Variants in SLCO3A1 observed in about 807,000 individuals in gnomAD.
SLCO3A1 encodes solute carrier organic anion transporter family member 3A1, also known as PGE1 transporter.
Under a neutral mutation model 63.1 loss-of-function variants are expected in SLCO3A1, and 27 were observed. That is an observed-to-expected ratio of 0.43 (90% CI 0.32 to 0.59). The LOEUF (loss-of-function observed/expected upper bound fraction) is 0.59, where lower values mean the gene tolerates loss of function less well. SLCO3A1 is among the 20% of genes least tolerant of loss of function. The pLI is 0.09. For synonymous variants in SLCO3A1, 473 were observed against 409.9 expected (o/e 1.15, Z -1.86); for missense variants, 773 against 945.8 (o/e 0.82, Z 2.40).
intron 2 of SLCO3A1, among the ~76,000 whole-genome samples, chr15:92,066,726 C>T (rs1003266033): frequency 1.1e-4 from 16 of 152,280 alleles, no homozygotes; most frequent in African/African-American, 3.1e-4. Context: ...GGACTGTGCT[C>T]AGCCAGGGCC....
At chr15:92,027,532 G>A (rs530570120) in intron 2 of SLCO3A1, among the ~76,000 whole-genome samples, 3 of 152,290 alleles carry the variant, frequency 2.0e-5, no homozygotes, top group South Asian at 2.1e-4. Context: ...TTTCTCTGTC[G>A]TCTTCACCCG....
chr15:91,858,372 A>C (rs181469159), intron 1 of SLCO3A1, among the ~76,000 whole-genome samples: 31 of 150,392 alleles, frequency 2.1e-4, no homozygotes, highest in Middle Eastern at 6.8e-3. Flanking sequence ...TAAGAAATAA[A>C]ATTACCTTGA....
At chr15:91,892,231 A>G (rs901779525) in intron 1 of SLCO3A1, among the ~76,000 whole-genome samples, 3 of 152,128 alleles carry the variant, frequency 2.0e-5, no homozygotes, top group Admixed American at 6.5e-5. Context: ...CTTGAATTGA[A>G]CCTGGTAGAT....
chr15:92,068,706 A>G (rs559993336), intron 2 of SLCO3A1, among the ~76,000 whole-genome samples: 1 of 152,318 alleles, frequency 6.6e-6, no homozygotes, highest in East Asian at 1.9e-4. Flanking sequence ...GGCATTTGGA[A>G]TGTTCTGTCC....
intron 2 of SLCO3A1, among the ~76,000 whole-genome samples, chr15:92,000,549 G>T (rs1426634322): frequency 6.6e-6 from 1 of 152,094 alleles, no homozygotes; most frequent in African/African-American, 2.4e-5. Context: ...GAAAAAAAAG[G>T]AATCAAAATA....
intron 2 of SLCO3A1, among the ~76,000 whole-genome samples, chr15:92,069,324 C>T (rs543160836): frequency 7.2e-5 from 11 of 152,266 alleles, no homozygotes; most frequent in African/African-American, 2.6e-4. Context: ...CAGACCAATC[C>T]AGATAGATAC....
At chr15:91,858,663 C>T (rs1896981306) in intron 1 of SLCO3A1, among the ~76,000 whole-genome samples, 1 of 152,218 alleles carries the variant, frequency 6.6e-6, no homozygotes. Flanking sequence ...ATCAATTGCC[C>T]AGCATTTGCA....
chr15:91,974,983 A>T lies in SLCO3A1; in HGVS notation c.646+58525A>T, dbSNP rs75152822. On this transcript the variant is annotated intron_variant, in intron 2 of 9. Coordinates refer to ENST00000318445, the MANE Select transcript of SLCO3A1 (RefSeq NM_013272.4). ...GGTTCCTCTGTGTGCAGTCTGGGGT[A>T]GTTAACTTAATTTCTCTGTACTGCA... Among the ~76,000 whole-genome samples, 146 of 152,228 alleles carry T rather than the reference A, an allele frequency of 9.6e-4. 2 individuals carry two copies. The highest frequency in any genetic ancestry group is 3.2e-3 in the African/African-American group (134 of 41,546).
At chr15:91,955,339 T>C (rs1900135350) in intron 2 of SLCO3A1, among the ~76,000 whole-genome samples, 1 of 141,772 alleles carries the variant, frequency 7.1e-6, no homozygotes, top group Admixed American at 7.3e-5. Context: ...TTCTTTTTCT[T>C]TTTTTTTTTT....
chr15:92,008,108 C>G (rs2046331670), intron 2 of SLCO3A1, among the ~76,000 whole-genome samples: 1 of 152,220 alleles, frequency 6.6e-6, no homozygotes. Context: ...CAACCCCATA[C>G]TTGGTCCCTA....
In SLCO3A1 at chr15:92,165,641, T is replaced by C; in HGVS notation, c.*2506T>C. The C allele has an allele frequency of 1.0e-5, 10 of 985,440 alleles. No homozygotes were observed. The highest frequency in any genetic ancestry group is 1.1e-5 in the Non-Finnish European group (9 of 829,930). The allele number at this position is 985,440 out of a possible 1,614,324, so 61.0% of individuals were successfully genotyped here. ...AGTTTTATCAGCAATTGGGTATAAA[T>C]TTAAAGACCGCTGTTGCAGGATGGC... On this transcript the variant is annotated 3_prime_UTR_variant, in exon 10 of 10. Transcript: ENST00000318445.
chr15:92,070,975 A>G (rs977552684), intron 2 of SLCO3A1, among the ~76,000 whole-genome samples: 10 of 152,228 alleles, frequency 6.6e-5, no homozygotes, highest in Admixed American at 3.3e-4. Context: ...AAAGTCAGTA[A>G]TTGAGATCAG....
intron 2 of SLCO3A1, among the ~76,000 whole-genome samples, chr15:91,926,168 G>A (rs1293171160): frequency 1.3e-5 from 2 of 152,170 alleles, no homozygotes; most frequent in Non-Finnish European, 2.9e-5. Flanking sequence ...TGAAAGCGTT[G>A]GCTTAGCTCT....
chr15:92,170,596 A>G (rs1465579902), downstream of SLCO3A1, among the ~76,000 whole-genome samples: 1 of 152,224 alleles, frequency 6.6e-6, no homozygotes, highest in Non-Finnish European at 1.5e-5. Context: ...ACACGGAACT[A>G]GCTTCTTATG....
rs1311633599 is a variant in SLCO3A1, at chr15:91,865,350, A to T, written c.180+11262A>T. 3.9e-5 allele frequency among the ~76,000 whole-genome samples: 6 copies of T among 152,336 alleles called. No homozygotes were observed. The East Asian group carries it at 9.6e-4, about 24-fold the overall frequency. On this transcript the variant is annotated intron_variant, in intron 1 of 9. Transcript: ENST00000318445. The surrounding 1 kb of genome is among the most constrained non-coding windows in gnomAD (Gnocchi z 4.6). Reference sequence around the variant, plus strand: ...AGTGAGAAAGTGACTTTCACAGTTTATCTGTTGGTGAGGTGGACATGGGCT... The same window carrying T: ...AGTGAGAAAGTGACTTTCACAGTTTTTCTGTTGGTGAGGTGGACATGGGCT...
chr15:92,016,254 T>TAGATAGATAGATAGATTGATTAGA, intron 2 of SLCO3A1, among the ~76,000 whole-genome samples: 7 of 95,658 alleles, frequency 7.3e-5, no homozygotes, highest in Non-Finnish European at 2.1e-5. Flanking sequence ...GATAGATAGA[T>TAGATAGATAGATAGATTGATTAGA]TAGATAGATA....
chr15:91,964,206 T>C (rs1900570119), intron 2 of SLCO3A1, among the ~76,000 whole-genome samples: 1 of 152,192 alleles, frequency 6.6e-6, no homozygotes, highest in Non-Finnish European at 1.5e-5. Context: ...GTTGGAAATG[T>C]AATGGAACCT....
intron 2 of SLCO3A1, among the ~76,000 whole-genome samples, chr15:91,995,714 T>C (rs1331640481): frequency 4.0e-5 from 5 of 123,784 alleles, no homozygotes; most frequent in Non-Finnish European, 8.2e-5. Context: ...AAGTTATACA[T>C]ACCTTGAAAG....
At chr15:91,906,859 T>C (rs2151373704) in intron 1 of SLCO3A1, among the ~76,000 whole-genome samples, 1 of 152,154 alleles carries the variant, frequency 6.6e-6, no homozygotes, top group East Asian at 1.9e-4. Context: ...TATTTTTCTA[T>C]GATGGACCAA....
Sources: allele counts gnomAD v4.1 joint callset (sites outside exome capture counted in the v4.1 genomes callset), GRCh38; gene constraint gnomAD v4.1.1; non-coding constraint Gnocchi (gnomAD v3.1); transcripts MANE v1.5; gene names NCBI Gene and HGNC (gene_info 2026-07-23, HGNC 2026-07-21).